XRCC4: variants seen among roughly 807,000 people sequenced by gnomAD.
XRCC4 encodes DNA repair protein XRCC4.
In XRCC4, 28 loss-of-function variants were observed where a neutral mutation model predicts 39.1. The observed-to-expected ratio is 0.72, with a 90% confidence interval of 0.53 to 0.98. The LOEUF (loss-of-function observed/expected upper bound fraction) is 0.98, where lower values mean the gene tolerates loss of function less well. XRCC4 is among the 50% of genes least tolerant of loss of function. The pLI is 0.00. For missense variants in XRCC4, 350 were observed against 376.4 expected (o/e 0.93, Z 0.58); for synonymous variants, 123 against 126.4 (o/e 0.97, Z 0.18).
chr5:83,224,941 A>G (rs1266566011), intron 6 of XRCC4, among the ~76,000 whole-genome samples: 1 of 152,178 alleles, frequency 6.6e-6, no homozygotes, highest in East Asian at 1.9e-4. Flanking sequence ...AAATCACAAA[A>G]CACTACTTTA....
At chr5:83,212,940 A>C (rs1464607633) in intron 6 of XRCC4, among the ~76,000 whole-genome samples, 1 of 149,760 alleles carries the variant, frequency 6.7e-6, no homozygotes, top group Non-Finnish European at 1.5e-5. Flanking sequence ...AAAAAAAAAA[A>C]ACACCAAAAT....
In XRCC4 at chr5:83,217,287, G is replaced by A. The variant is rs1462949685; in HGVS notation, c.745+12366G>A. Among the ~76,000 whole-genome samples, 5 of 147,978 alleles carry A rather than the reference G, an allele frequency of 3.4e-5. No homozygotes were observed. In the East Asian group the frequency reaches 8.1e-4, roughly 24 times the overall value. ...CAGGAGAATTGCTCAAACCTGGGAG[G>A]CAGAGGTTGCAGTGAGCCAAGATCA... On this transcript the variant is annotated intron_variant, in intron 6 of 7. Transcript: ENST00000396027.
At chr5:83,196,331 G>A (rs1351965153) in intron 4 of XRCC4, among the ~76,000 whole-genome samples, 1 of 151,834 alleles carries the variant, frequency 6.6e-6, no homozygotes, top group Admixed American at 6.6e-5. Flanking sequence ...CTCAGTGAGT[G>A]GCATCTATTT....
intron 3 of XRCC4, among the ~76,000 whole-genome samples, chr5:83,192,491 A>G (rs1324887868): frequency 6.6e-6 from 1 of 151,708 alleles, no homozygotes; most frequent in East Asian, 1.9e-4. Context: ...TTTGTATTTT[A>G]GTAGAGACAG....
chr5:83,335,626 GTTGT>G (rs1756571924), intron 7 of XRCC4, among the ~76,000 whole-genome samples: 1 of 152,106 alleles, frequency 6.6e-6, no homozygotes, highest in African/African-American at 2.4e-5. Flanking sequence ...GGACAGGAGT[GTTGT>G]TTATCTTTTC....
chr5:83,236,746 C>T (rs1282638447), intron 6 of XRCC4, among the ~76,000 whole-genome samples: 1 of 149,814 alleles, frequency 6.7e-6, no homozygotes, highest in African/African-American at 2.5e-5. Flanking sequence ...TTCTGCACAG[C>T]AAAGGAAAAA....
chr5:83,149,517 GTGT>G (rs1748611088), intron 3 of XRCC4, among the ~76,000 whole-genome samples: 2 of 152,082 alleles, frequency 1.3e-5, no homozygotes, highest in African/African-American at 4.8e-5. Flanking sequence ...AAATTTTCTA[GTGT>G]TGTTAATTAT....
intron 6 of XRCC4, among the ~76,000 whole-genome samples, chr5:83,253,557 CG>C (rs1753411085): frequency 1.3e-5 from 2 of 151,434 alleles, no homozygotes; most frequent in African/African-American, 4.8e-5. Flanking sequence ...ATCTGTATGG[CG>C]GGGCAAGGGG....
At chr5:83,081,150 A>G (rs183928523) in intron 1 of XRCC4, among the ~76,000 whole-genome samples, 27 of 152,350 alleles carry the variant, frequency 1.8e-4, no homozygotes, top group Non-Finnish European at 3.2e-4. Flanking sequence ...GAGGACTGCT[A>G]TAAAAGGTTT....
chr5:83,131,733 G>T (rs1404363524), intron 3 of XRCC4, among the ~76,000 whole-genome samples: 1 of 151,096 alleles, frequency 6.6e-6, no homozygotes, highest in Admixed American at 6.6e-5. Context: ...CATTTGCTTG[G>T]TGGATCTTCC....
At chr5:83,141,746 C>G (rs964465818) in intron 3 of XRCC4, among the ~76,000 whole-genome samples, 1 of 151,342 alleles carries the variant, frequency 6.6e-6, no homozygotes, top group Non-Finnish European at 1.5e-5. Flanking sequence ...TTGAAGTGTT[C>G]CAATATAATG....
intron 7 of XRCC4, among the ~76,000 whole-genome samples, chr5:83,308,819 CTATT>C (rs1205645181): frequency 1.3e-5 from 2 of 152,012 alleles, no homozygotes; most frequent in African/African-American, 4.8e-5. Context: ...AATATTTGTC[CTATT>C]TAGTCTCAAT....
chr5:83,078,267 A>AT (rs1744765236), intron 1 of XRCC4, among the ~76,000 whole-genome samples: 1 of 152,214 alleles, frequency 6.6e-6, no homozygotes, highest in Admixed American at 6.5e-5. Flanking sequence ...TTCTTTCTGC[A>AT]TTTTATCGAT....
intron 3 of XRCC4, among the ~76,000 whole-genome samples, chr5:83,180,850 G>A (rs1561385348): frequency 1.3e-5 from 2 of 151,996 alleles, no homozygotes; most frequent in South Asian, 2.1e-4. Context: ...TGAATGTTCT[G>A]TAGCCATAGC....
intron 7 of XRCC4, among the ~76,000 whole-genome samples, chr5:83,286,964 T>C (rs1254183273): frequency 1.3e-5 from 2 of 152,094 alleles, no homozygotes; most frequent in African/African-American, 4.8e-5. Context: ...GGACAAATAA[T>C]GTAATCAGTA....
intron 3 of XRCC4, among the ~76,000 whole-genome samples, chr5:83,148,269 G>C (rs1748551001): frequency 6.6e-6 from 1 of 152,156 alleles, no homozygotes; most frequent in African/African-American, 2.4e-5. Context: ...ATAAAATATA[G>C]CTGCAGTTTT....
intron 7 of XRCC4, among the ~76,000 whole-genome samples, chr5:83,328,749 T>G (rs1467896473): frequency 6.6e-6 from 1 of 152,038 alleles, no homozygotes; most frequent in African/African-American, 2.4e-5. Context: ...CATGACTTAT[T>G]ATATAGGAAT....
At chr5:83,150,518 A>G (rs543784730) in intron 3 of XRCC4, among the ~76,000 whole-genome samples, 17 of 152,282 alleles carry the variant, frequency 1.1e-4, no homozygotes, top group African/African-American at 3.8e-4. Context: ...TAAGAAAAAA[A>G]GCTTGCTGAA....
chr5:83,205,120 C>T (rs923027430), intron 6 of XRCC4, among the ~76,000 whole-genome samples, 199 bp downstream of exon 6: 1 of 152,050 alleles, frequency 6.6e-6, no homozygotes, highest in African/African-American at 2.4e-5. Context: ...ATTAGCACAG[C>T]AGTGTGAGCA....
Sources: allele counts gnomAD v4.1 joint callset (sites outside exome capture counted in the v4.1 genomes callset), GRCh38; gene constraint gnomAD v4.1.1; transcripts MANE v1.5; gene names NCBI Gene and HGNC (gene_info 2026-07-23, HGNC 2026-07-21).